ADGRV1: variants seen among roughly 807,000 people sequenced by gnomAD.
The protein encoded by ADGRV1 is G-protein coupled receptor 98.
In ADGRV1, 359 loss-of-function variants were observed where a neutral mutation model predicts 596.2. That is an observed-to-expected ratio of 0.60 (90% confidence interval 0.55 to 0.66). ADGRV1 has a LOEUF of 0.66. Among genes scored for constraint, ADGRV1 ranks in the 30% least tolerant of loss-of-function variants. ADGRV1 has a pLI of 0.00. For synonymous variants in ADGRV1, 2,681 were observed against 2,679.2 expected (o/e 1.00, Z -0.02); for missense variants, 7,274 against 7,575.6 (o/e 0.96, Z 1.48).
chr5:90,614,875 T>G lies in ADGRV1; in HGVS notation c.63T>G (p.Ala21=). The change falls in exon 2 of 90, where the codon GCT becomes GCG. Residue 21 remains alanine (A), a synonymous_variant. Coordinates refer to ENST00000405460, the MANE Select transcript of ADGRV1 (RefSeq NM_032119.4). ...SASLLVNLLS[A]LLILFVFGET... The stretch of plus-strand genomic sequence containing the variant: ...CTTTATTAGTAAATCTTCTTTCAGC[T>G]TTACTCATCCTATTTGTGTTTGGAG... 3.7e-6 allele frequency: 6 copies of G among 1,610,902 alleles called. No individual in the cohort carries two copies. Among genetic ancestry groups the G allele is most frequent in the Non-Finnish European group, 5.1e-6 (6 of 1,178,086 alleles).
intron 21 of ADGRV1, among the ~76,000 whole-genome samples, chr5:90,662,405 G>C (rs990803392): frequency 1.3e-5 from 2 of 151,878 alleles, no homozygotes; most frequent in Admixed American, 1.3e-4. Context: ...GTGTTAGCCA[G>C]GATGGTCTCG....
intron 83 of ADGRV1, among the ~76,000 whole-genome samples, chr5:90,955,101 C>T (rs1342142382): frequency 6.6e-6 from 1 of 152,064 alleles, no homozygotes; most frequent in Non-Finnish European, 1.5e-5. Flanking sequence ...AGACGATGAC[C>T]GTCTGCAAAC....
intron 87 of ADGRV1, among the ~76,000 whole-genome samples, chr5:91,134,453 C>CA (rs1249004422): frequency 1.3e-5 from 2 of 152,152 alleles, no homozygotes; most frequent in Non-Finnish European, 2.9e-5. Context: ...CTGGACCTCC[C>CA]AAAGTGCTCA....
intron 1 of ADGRV1, among the ~76,000 whole-genome samples, chr5:90,579,514 CT>C (rs1186276724): frequency 6.6e-6 from 1 of 152,134 alleles, no homozygotes; most frequent in African/African-American, 2.4e-5. Flanking sequence ...CTGAGGAGTG[CT>C]TTGGTTCCAA....
At chr5:90,612,523 T>C (rs1762838317) in intron 1 of ADGRV1, among the ~76,000 whole-genome samples, 1 of 152,026 alleles carries the variant, frequency 6.6e-6, no homozygotes, top group African/African-American at 2.4e-5. Context: ...CTGAATAATA[T>C]TGCATATGTT....
chr5:91,008,063 C>A (rs1379179794), intron 85 of ADGRV1, among the ~76,000 whole-genome samples: 2 of 152,104 alleles, frequency 1.3e-5, no homozygotes, highest in African/African-American at 4.8e-5. Context: ...TTTCTAATGG[C>A]TTTAACCCCT....
At position 90,802,778 on chromosome 5, in the gene ADGRV1, G is replaced by T. The variant is rs1678002421; in HGVS notation, c.14557G>T (p.Val4853Leu). ...GGGCTCTAATTTCACTTTGCAACTG[G>T]TGACTGTGATGCTTGTCGGTGGACG... is the stretch of plus-strand genomic sequence containing the variant. The part of the protein sequence containing the change: ...SLGSNFTLQL[V>L]TVMLVGGRFY... Residue 4853 changes from valine to leucine, a missense_variant, in exon 71 of 90, where the codon GTG becomes TTG. Val to Leu is a conservative substitution (Grantham distance 32). Coordinates refer to ENST00000405460, the MANE Select transcript of ADGRV1 (RefSeq NM_032119.4). The T allele has an allele frequency of 1.2e-6, 2 of 1,613,098 alleles. No homozygotes were observed.
chr5:90,943,635 A>G (rs1776342640), intron 83 of ADGRV1, among the ~76,000 whole-genome samples: 1 of 152,100 alleles, frequency 6.6e-6, no homozygotes, highest in Non-Finnish European at 1.5e-5. Context: ...CAAATTCAAG[A>G]TGTTTCCAGC....
chr5:91,059,316 A>G (rs937299714), intron 85 of ADGRV1, among the ~76,000 whole-genome samples: 10 of 152,132 alleles, frequency 6.6e-5, no homozygotes, highest in African/African-American at 1.9e-4. Flanking sequence ...TGCAAAGTCA[A>G]TAAGAGGTGT....
At chr5:90,572,863 G>T (rs1437674517) in intron 1 of ADGRV1, among the ~76,000 whole-genome samples, 1 of 152,106 alleles carries the variant, frequency 6.6e-6, no homozygotes, top group Non-Finnish European at 1.5e-5. Context: ...ATAGGAGGAA[G>T]GATACGTCAG....
At position 90,674,046 on chromosome 5, in the gene ADGRV1, AT is replaced by A; in HGVS notation, c.4930-3del. On this transcript the variant is annotated splice_region_variant and splice_polypyrimidine_tract_variant and intron_variant, in intron 22 of 89. Transcript: ENST00000405460. ...TTGCTTAGTGCCTCTGGATATTTAT[AT>A]TTTTAGGTTCTGAATATATATGTTC... The A allele has an allele frequency of 6.3e-7, 1 of 1,594,688 alleles. No homozygotes were observed. The highest frequency in any genetic ancestry group is 8.6e-7 in the Non-Finnish European group (1 of 1,166,038).
At chr5:90,665,025 T>C (rs1386212772) in intron 21 of ADGRV1, among the ~76,000 whole-genome samples, 4 of 151,742 alleles carry the variant, frequency 2.6e-5, no homozygotes, top group East Asian at 1.9e-4. Context: ...CAGTATTTTA[T>C]TGAGGATTTT....
At chr5:91,025,809 A>G (rs1783976647) in intron 85 of ADGRV1, among the ~76,000 whole-genome samples, 1 of 152,314 alleles carries the variant, frequency 6.6e-6, no homozygotes, top group East Asian at 1.9e-4. Context: ...CTGTTGTTTC[A>G]CTGTGATCAA....
chr5:90,696,965 C>T lies in ADGRV1; in HGVS notation c.7974C>T (p.Thr2658=), dbSNP rs778031612. The change falls in exon 34 of 90, where the codon ACC becomes ACT. Residue 2658 remains threonine (T), a synonymous_variant. Transcript: ENST00000405460. ...EGETKKTVIL[T]ILDDSEPEDD... ...AAACCAAAAAGACAGTCATTTTAAC[C>T]ATCTTGGATGACTCTGAACCAGAGG... 8.7e-6 allele frequency: 14 copies of T among 1,609,108 alleles called. No homozygotes were observed. In the South Asian group the frequency reaches 1.2e-4, roughly 14 times the overall value.
chr5:91,059,817 G>T (rs575402372), intron 85 of ADGRV1, among the ~76,000 whole-genome samples: 1 of 152,140 alleles, frequency 6.6e-6, no homozygotes, highest in South Asian at 2.1e-4. Flanking sequence ...AATATCCCTT[G>T]CATATTGGCC....
rs1238768272 is a variant in ADGRV1 at position 90,620,546 on chromosome 5, T to G, written c.453+1365T>G. On this transcript the variant is annotated intron_variant, in intron 4 of 89. Transcript: ENST00000405460. Reference sequence around the variant, plus strand: ...CAAAACTTTTCTCCCATTCTGTAGGTTGCCTGTTCACTCTGATGGTAGTTT... The same window carrying G: ...CAAAACTTTTCTCCCATTCTGTAGGGTGCCTGTTCACTCTGATGGTAGTTT... 5.9e-5 allele frequency among the ~76,000 whole-genome samples: 9 copies of G among 152,140 alleles called. No individual in the cohort carries two copies. The East Asian group carries it at 1.7e-3, about 29-fold the overall frequency.
chr5:90,609,346 A>G (rs1762469602), intron 1 of ADGRV1, among the ~76,000 whole-genome samples: 1 of 152,022 alleles, frequency 6.6e-6, no homozygotes, highest in South Asian at 2.1e-4. Context: ...ATAAATTAAA[A>G]ATAAATAAAA....
chr5:90,913,831 T>C (rs1427503550), intron 83 of ADGRV1, among the ~76,000 whole-genome samples: 1 of 152,222 alleles, frequency 6.6e-6, no homozygotes, highest in Non-Finnish European at 1.5e-5. Flanking sequence ...ATGTGTTTGC[T>C]TTATTTAAAA....
chr5:90,721,014 G>C lies in ADGRV1; in HGVS notation c.9703G>C (p.Val3235Leu). The change falls in exon 45 of 90, where the codon GTG (valine) becomes CTG (leucine). Residue 3235 changes from valine (V) to leucine (L), a missense_variant. By Grantham distance (32) the Val-to-Leu change is conservative. Coordinates refer to ENST00000405460, the MANE Select transcript of ADGRV1 (RefSeq NM_032119.4). ...VSRTNGIDLA[V>L]SVQWETVSET... ...TCGAACTAATGGCATTGATTTGGCT[G>C]TGAGTGTGCAGTGGGAGACAGTATC... 1 of 1,612,824 alleles carries C rather than the reference G, an allele frequency of 6.2e-7. No homozygotes were observed. The highest frequency in any genetic ancestry group is 8.5e-7 in the Non-Finnish European group (1 of 1,179,142).
Sources: allele counts gnomAD v4.1 joint callset (sites outside exome capture counted in the v4.1 genomes callset), GRCh38; gene constraint gnomAD v4.1.1; transcripts MANE v1.5; gene names NCBI Gene and HGNC (gene_info 2026-07-23, HGNC 2026-07-21).